The following NEGR1 variants were observed in gnomAD, a reference collection of about 807,000 sequenced individuals.
The protein encoded by NEGR1 is neuronal growth regulator 1, also known as IgLON family member 4.
NEGR1 carries 10 observed loss-of-function variants against 40.9 expected under a neutral mutation model. That is an observed-to-expected ratio of 0.24 (90% CI 0.15 to 0.42). The LOEUF (loss-of-function observed/expected upper bound fraction) is 0.42. NEGR1 is among the 10% of genes least tolerant of loss of function. The probability of loss-of-function intolerance (pLI) is 1.00; values close to 1 mark genes in which losing one functional copy is unlikely to be tolerated. For synonymous variants in NEGR1, 185 were observed against 166.8 expected (o/e 1.11, Z -0.84); for missense variants, 352 against 438.9 (o/e 0.80, Z 1.77).
intron 6 of NEGR1, among the ~76,000 whole-genome samples, chr1:71,489,445 T>C (rs1181760368): frequency 2.0e-5 from 3 of 151,892 alleles, no homozygotes; most frequent in Non-Finnish European, 2.9e-5. Flanking sequence ...TCCCGTTTTG[T>C]GTAAGTTATT....
intron 6 of NEGR1, among the ~76,000 whole-genome samples, chr1:71,476,546 A>C (rs958015892): frequency 6.6e-6 from 1 of 152,008 alleles, no homozygotes; most frequent in African/African-American, 2.4e-5. Flanking sequence ...AAGCCACAAC[A>C]ACCATGTGAT....
chr1:72,059,640 C>A (rs1266336574), intron 1 of NEGR1, among the ~76,000 whole-genome samples: 1 of 151,552 alleles, frequency 6.6e-6, no homozygotes, highest in African/African-American at 2.4e-5. Context: ...GTTTAATGAT[C>A]ATATTTACAA....
At chr1:71,744,591 A>G (rs1459087408) in intron 3 of NEGR1, among the ~76,000 whole-genome samples, 2 of 152,078 alleles carry the variant, frequency 1.3e-5, no homozygotes, top group East Asian at 3.9e-4. Context: ...GTTAGTAAAG[A>G]AAGTCATTTT....
intron 6 of NEGR1, among the ~76,000 whole-genome samples, chr1:71,576,116 G>C (rs1427666973): frequency 1.3e-5 from 2 of 152,150 alleles, no homozygotes; most frequent in Non-Finnish European, 2.9e-5. Flanking sequence ...CAAAGAACTT[G>C]AGAGTTCTTC....
At chr1:71,570,211 C>T (rs534920384) in intron 6 of NEGR1, among the ~76,000 whole-genome samples, 2 of 152,230 alleles carry the variant, frequency 1.3e-5, no homozygotes, top group African/African-American at 2.4e-5. Flanking sequence ...AAACAAGAAG[C>T]TGTTTCTAAT....
intron 3 of NEGR1, among the ~76,000 whole-genome samples, chr1:71,709,998 G>C (rs954007611): frequency 6.6e-6 from 1 of 151,848 alleles, no homozygotes; most frequent in African/African-American, 2.4e-5. Flanking sequence ...CTCTGACAAG[G>C]GATTAATAAC....
chr1:72,201,206 T>G (rs1341958351), intron 1 of NEGR1, among the ~76,000 whole-genome samples: 2 of 151,688 alleles, frequency 1.3e-5, no homozygotes, highest in East Asian at 1.9e-4. Flanking sequence ...CTTCCTTTGT[T>G]AGGTCTTATA....
intron 6 of NEGR1, among the ~76,000 whole-genome samples, chr1:71,507,869 A>G (rs11800427): frequency 0.04 from 6,116 of 152,208 alleles, 409 homozygotes; most frequent in African/African-American, 0.14. Context: ...CTCAAAAAGC[A>G]TTTCACCAAA....
At chr1:72,020,442 G>C (rs1288763945) in intron 1 of NEGR1, among the ~76,000 whole-genome samples, 1 of 152,124 alleles carries the variant, frequency 6.6e-6, no homozygotes, top group Non-Finnish European at 1.5e-5. Flanking sequence ...CCTGAAAAAG[G>C]AGTAGTGGGA....
At chr1:72,074,296 G>T (rs1330288085) in intron 1 of NEGR1, among the ~76,000 whole-genome samples, 1 of 151,960 alleles carries the variant, frequency 6.6e-6, no homozygotes, top group Non-Finnish European at 1.5e-5. Context: ...TATAATTCAG[G>T]ATATAGTTTT....
At chr1:71,716,757 T>C (rs942680891) in intron 3 of NEGR1, among the ~76,000 whole-genome samples, 2 of 152,144 alleles carry the variant, frequency 1.3e-5, no homozygotes, top group Non-Finnish European at 2.9e-5. Flanking sequence ...TCATACATTT[T>C]GGATTTTATG....
chr1:71,584,978 T>G (rs1027996783), intron 6 of NEGR1, among the ~76,000 whole-genome samples: 6 of 152,148 alleles, frequency 3.9e-5, no homozygotes, highest in Admixed American at 6.6e-5. Flanking sequence ...CTGGCCAAGG[T>G]TGTTGCAACT....
intron 1 of NEGR1, among the ~76,000 whole-genome samples, chr1:72,225,979 A>G (rs1402808067): frequency 1.3e-5 from 2 of 151,830 alleles, no homozygotes; most frequent in African/African-American, 4.8e-5. Context: ...CTTAGCAGGA[A>G]AAAGTATGTC....
intron 6 of NEGR1, among the ~76,000 whole-genome samples, chr1:71,465,754 G>A (rs1057391871): frequency 3.3e-5 from 5 of 152,026 alleles, no homozygotes; most frequent in Admixed American, 6.6e-5. Flanking sequence ...TGCACAAAAT[G>A]GGGATGCATT....
At chr1:72,022,494 C>A (rs566271916) in intron 1 of NEGR1, among the ~76,000 whole-genome samples, 2 of 147,966 alleles carry the variant, frequency 1.4e-5, no homozygotes, top group Non-Finnish European at 3.0e-5. Flanking sequence ...AACCAATAAA[C>A]AGATAGATAT....
chr1:72,265,512 G>C (rs935670362), intron 1 of NEGR1, among the ~76,000 whole-genome samples: 1 of 150,810 alleles, frequency 6.6e-6, no homozygotes, highest in Non-Finnish European at 1.5e-5. Flanking sequence ...CAATTGTTAA[G>C]TGTATTTTAA....
intron 1 of NEGR1, among the ~76,000 whole-genome samples, chr1:72,203,487 T>G (rs573242130): frequency 6.6e-6 from 1 of 152,128 alleles, no homozygotes; most frequent in Admixed American, 6.6e-5. Flanking sequence ...TTGCTTCTTA[T>G]AGATGAGCAA....
intron 6 of NEGR1, among the ~76,000 whole-genome samples, chr1:71,442,488 C>T (rs567512608): frequency 6.6e-6 from 1 of 152,184 alleles, no homozygotes; most frequent in South Asian, 2.1e-4. Context: ...GCGGCATGCG[C>T]CTGTAATCCC....
At chr1:72,167,438 T>G (rs1651808026) in intron 1 of NEGR1, among the ~76,000 whole-genome samples, 2 of 152,138 alleles carry the variant, frequency 1.3e-5, no homozygotes, top group Non-Finnish European at 1.5e-5. Flanking sequence ...TCATATTTTC[T>G]AAGTAAATAT....
Sources: allele counts gnomAD v4.1 joint callset (sites outside exome capture counted in the v4.1 genomes callset), GRCh38; gene constraint gnomAD v4.1.1; transcripts MANE v1.5; gene names NCBI Gene and HGNC (gene_info 2026-07-23, HGNC 2026-07-21).